The following PCBP3 variants were observed in gnomAD, a reference collection of about 807,000 sequenced individuals.
PCBP3 encodes poly(rC)-binding protein 3.
Under a neutral mutation model 52.7 loss-of-function variants are expected in PCBP3, and 25 were observed. The ratio of observed to expected loss-of-function variants is 0.47; its 90% CI spans 0.35 to 0.66. The LOEUF is 0.66. Among genes scored for constraint, PCBP3 ranks in the 30% least tolerant of loss-of-function variants. The pLI, the probability that PCBP3 is intolerant of heterozygous loss-of-function variation, is 0.01. For synonymous variants in PCBP3, 162 were observed against 183.0 expected, an observed-to-expected ratio of 0.89 and a Z score of 0.93; for missense variants, 391 against 490.3, an observed-to-expected ratio of 0.80 and a Z score of 1.91.
At position 45,817,286 on chromosome 21, in the gene PCBP3, G is replaced by A. The variant is rs61265907; in HGVS notation, c.-125-32675G>A. Among the ~76,000 whole-genome samples, 1 of 152,176 alleles carries A rather than the reference G, an allele frequency of 6.6e-6. No individual in the cohort carries two copies. Among genetic ancestry groups the A allele is most frequent in the African/African-American group, 2.4e-5 (1 of 41,454 alleles). On this transcript the variant is annotated intron_variant, in intron 4 of 17. Coordinates refer to ENST00000681687, the MANE Select transcript of PCBP3 (RefSeq NM_001384156.1). This position sits in a 1 kb window ranked among gnomAD's most constrained non-coding sequence, Gnocchi z 4.3. ...TGGGTCTCAAGTGAACACCCTGGAT[G>A]CTGAGTGAGGGGCCTCCACTGTGGC...
At chr21:45,752,186 C>T (rs1017285156) in intron 3 of PCBP3, among the ~76,000 whole-genome samples, 3 of 152,046 alleles carry the variant, frequency 2.0e-5, no homozygotes, top group Admixed American at 6.5e-5. Context: ...CCTTTTTCTA[C>T]ACCCAGATTA....
intron 15 of PCBP3, among the ~76,000 whole-genome samples, chr21:45,931,050 CA>C (rs2076115153): frequency 6.6e-6 from 1 of 152,224 alleles, no homozygotes; most frequent in South Asian, 2.1e-4. Context: ...CAGAGCAGGG[CA>C]CCCCGGCCAT....
chr21:45,670,324 A>C (rs1044327539), intron 2 of PCBP3, among the ~76,000 whole-genome samples: 7 of 152,130 alleles, frequency 4.6e-5, no homozygotes, highest in African/African-American at 1.7e-4. Flanking sequence ...TTGTTATTAT[A>C]CAAGTGTAGT....
At chr21:45,747,631 G>A (rs530469862) in intron 3 of PCBP3, among the ~76,000 whole-genome samples, 2 of 152,372 alleles carry the variant, frequency 1.3e-5, no homozygotes, top group South Asian at 2.1e-4. Context: ...TGGCCGGCTG[G>A]GGCAGGGCGT....
intron 1 of PCBP3, among the ~76,000 whole-genome samples, chr21:45,657,920 G>T (rs2080123932): frequency 1.3e-5 from 2 of 152,176 alleles, no homozygotes; most frequent in South Asian, 4.1e-4. Flanking sequence ...TCATGTAATT[G>T]CCCTGGTTAT....
chr21:45,892,515 G>A (rs562662049), intron 5 of PCBP3, among the ~76,000 whole-genome samples: 4 of 152,090 alleles, frequency 2.6e-5, no homozygotes, highest in Non-Finnish European at 5.9e-5. Flanking sequence ...GGAGGGCGCA[G>A]TCCCGTCTCT....
chr21:45,869,205 C>G (rs986040018), intron 5 of PCBP3: 5 of 152,218 alleles, frequency 3.3e-5, no homozygotes, highest in Admixed American at 1.3e-4. Context: ...GTGGGATTAA[C>G]AGGCCGTCAG....
At chr21:45,850,701 T>C (rs1412085725) in intron 5 of PCBP3, among the ~76,000 whole-genome samples, 1 of 152,218 alleles carries the variant, frequency 6.6e-6, no homozygotes, top group Non-Finnish European at 1.5e-5. Context: ...TAAATAAGTT[T>C]GAGCTGTTAG....
chr21:45,744,750 A>G (rs1007492265), intron 3 of PCBP3, among the ~76,000 whole-genome samples: 4 of 152,270 alleles, frequency 2.6e-5, no homozygotes, highest in Admixed American at 2.6e-4. Flanking sequence ...TGACTAATGC[A>G]TTTGACTCTC....
intron 5 of PCBP3, among the ~76,000 whole-genome samples, chr21:45,876,346 A>G (rs962862248): frequency 1.5e-4 from 23 of 152,234 alleles, no homozygotes; most frequent in Non-Finnish European, 2.8e-4. Context: ...GGTGGGACTA[A>G]GGAACACTGG....
intron 3 of PCBP3, among the ~76,000 whole-genome samples, chr21:45,742,562 C>T (rs921046939): frequency 1.3e-5 from 2 of 152,138 alleles, no homozygotes; most frequent in Middle Eastern, 3.2e-3. Flanking sequence ...CAGTATTTTC[C>T]GTTGTGATGT....
chr21:45,901,157 GC>G, intron 9 of PCBP3, 44 bp downstream of exon 9: 3 of 1,415,454 alleles, frequency 2.1e-6, no homozygotes, highest in Non-Finnish European at 3.0e-6. Context: ...GCGGGGGCAG[GC>G]CTGGTCCCAG....
intron 4 of PCBP3, among the ~76,000 whole-genome samples, chr21:45,845,635 C>T (rs1370409139): frequency 2.0e-5 from 3 of 151,156 alleles, no homozygotes; most frequent in Non-Finnish European, 2.9e-5. Flanking sequence ...CTTAAGCACC[C>T]GTGTGCACAT....
intron 1 of PCBP3, among the ~76,000 whole-genome samples, chr21:45,650,698 T>C (rs2079621031): frequency 6.6e-6 from 1 of 152,186 alleles, no homozygotes; most frequent in Admixed American, 6.5e-5. Context: ...CAAGAAATTC[T>C]CCCATCTTGG....
chr21:45,933,804 C>T (rs1174403659), intron 15 of PCBP3, among the ~76,000 whole-genome samples: 1 of 152,132 alleles, frequency 6.6e-6, no homozygotes, highest in African/African-American at 2.4e-5. Context: ...TGGCTGGCCA[C>T]AGTGAGAGGT....
intron 2 of PCBP3, among the ~76,000 whole-genome samples, chr21:45,677,204 A>C (rs1045575951): frequency 1.3e-5 from 2 of 152,248 alleles, no homozygotes; most frequent in Non-Finnish European, 2.9e-5. Context: ...GAAGTAAATG[A>C]AAAATGTTAC....
At position 45,853,045 on chromosome 21, in the gene PCBP3, G is replaced by A. The variant is rs1275208806; in HGVS notation, c.10+2950G>A. On this transcript the variant is annotated intron_variant, in intron 5 of 17. Coordinates refer to ENST00000681687, the MANE Select transcript of PCBP3 (RefSeq NM_001384156.1). This position sits in a 1 kb window ranked among gnomAD's most constrained non-coding sequence, Gnocchi z 4.6. The stretch of plus-strand genomic sequence containing the variant: ...CCACAGCTGAGACCAGCAGGAGCGG[G>A]CAGTGGACTCGCACCAGGCATTGGG... 1.3e-5 allele frequency among the ~76,000 whole-genome samples: 2 copies of A among 152,226 alleles called. No individual in the cohort carries two copies. The highest frequency in any genetic ancestry group is 4.8e-5 in the African/African-American group (2 of 41,444).
At chr21:45,819,881 G>C (rs761195302) in intron 4 of PCBP3, among the ~76,000 whole-genome samples, 4 of 152,232 alleles carry the variant, frequency 2.6e-5, no homozygotes, top group Non-Finnish European at 5.9e-5. Context: ...GTCCATGATG[G>C]TGTCTGAGTC....
chr21:45,939,870 G>A (rs1228518571), intron 16 of PCBP3, among the ~76,000 whole-genome samples, 160 bp from the exon 17 acceptor site: 1 of 152,202 alleles, frequency 6.6e-6, no homozygotes, highest in Non-Finnish European at 1.5e-5. Context: ...CCACCTGCAG[G>A]CAGGTGTGGG....
Sources: gnomAD v4.1 joint callset for allele counts (sites outside exome capture counted in the v4.1 genomes callset) on GRCh38, gnomAD v4.1.1 for gene constraint, Gnocchi (gnomAD v3.1) non-coding constraint, MANE v1.5 for transcripts, NCBI Gene and HGNC (gene_info 2026-07-23, HGNC 2026-07-21) for gene names.